MAP3K2: variants seen among roughly 807,000 people sequenced by gnomAD.
MAP3K2 encodes MAP/ERK kinase kinase 2.
Under a neutral mutation model 80.3 loss-of-function variants are expected in MAP3K2, and 24 were observed. The ratio of observed to expected loss-of-function variants is 0.30; its 90% CI spans 0.22 to 0.42. MAP3K2 has a LOEUF of 0.42. Ranked by LOEUF, MAP3K2 falls within the 10% of genes least tolerant of loss-of-function variation. The pLI, the probability that MAP3K2 is intolerant of heterozygous loss-of-function variation, is 1.00. For missense variants in MAP3K2, 608 were observed against 750.1 expected (o/e 0.81, Z 2.21); for synonymous variants, 244 against 253.7 (o/e 0.96, Z 0.36).
rs2104806305 is a variant in MAP3K2 at position 127,310,725 on chromosome 2, A to G, written c.1457-1963T>C. On this transcript the variant is annotated intron_variant, in intron 15 of 16. Transcript: ENST00000682094. This position sits in a 1 kb window ranked among gnomAD's most constrained non-coding sequence, Gnocchi z 4.8. ...TTTATTCTCTATTTTCACTCTTATC[A>G]TTTTAAAAACTCTATTTTTTCTGGG... Among the ~76,000 whole-genome samples the G allele has an allele frequency of 6.6e-6, 1 of 152,166 alleles. No individual in the cohort carries two copies. The highest frequency in any genetic ancestry group is 2.1e-4 in the South Asian group (1 of 4,828).
In MAP3K2 at chr2:127,303,502, G is replaced by A. The variant is rs1200906701; in HGVS notation, c.*4077C>T. 6.6e-6 allele frequency: 1 copy of A among 152,074 alleles called. No homozygotes were observed. Among genetic ancestry groups the A allele is most frequent in the Non-Finnish European group, 1.5e-5 (1 of 67,992 alleles). 9.4% of individuals were successfully genotyped at this position (152,074 alleles called of 1,614,324 possible). On this transcript the variant is annotated 3_prime_UTR_variant, in exon 17 of 17. Transcript: ENST00000682094. ...AGATACTTTTACTCTAATCCCTGTT[G>A]TCAGTGACATTTCCGTTTATAACAG... is the stretch of plus-strand genomic sequence containing the variant.
At chr2:127,329,660 C>A (rs1686213451) in intron 7 of MAP3K2, among the ~76,000 whole-genome samples, 1 of 152,066 alleles carries the variant, frequency 6.6e-6, no homozygotes, top group Admixed American at 6.5e-5. Context: ...CAGCCTAAAA[C>A]CTCTTTAAAG....
Position 127,314,901 on chromosome 2 carries a change from AAAAAT to A in MAP3K2, c.1327-23_1327-19del. The A allele has an allele frequency of 6.4e-7, 1 of 1,568,852 alleles. No homozygotes were observed. Among genetic ancestry groups the A allele is most frequent in the Non-Finnish European group, 8.7e-7 (1 of 1,153,214 alleles). On this transcript the variant is annotated intron_variant, in intron 14 of 16. Transcript: ENST00000682094. ...ATTGAACCCTAGGAGAAAAGAAAAC[AAAAAT>A]AAAAACTACTGTATATGGTTTGAAA... is the stretch of plus-strand genomic sequence containing the variant.
intron 1 of MAP3K2, among the ~76,000 whole-genome samples, chr2:127,384,031 G>A (rs1687299619): frequency 6.6e-6 from 1 of 151,664 alleles, no homozygotes; most frequent in African/African-American, 2.4e-5. Context: ...CCGCCACCAT[G>A]CCCGGCTAGT....
chr2:127,344,034 C>A lies in MAP3K2; in HGVS notation c.-65-840G>T, dbSNP rs559178226. On this transcript the variant is annotated intron_variant, in intron 1 of 16. Transcript: ENST00000682094. ...AAGAAAAAAAAAAGTGTTTGTATAC[C>A]ATTGCAATTAAGTTGATATTACCTC... is the stretch of plus-strand genomic sequence containing the variant. 7.2e-5 allele frequency among the ~76,000 whole-genome samples: 11 copies of A among 151,900 alleles called. No homozygotes were observed. In the East Asian group the frequency reaches 2.1e-3, roughly 29 times the overall value.
rs377538580 is a variant in MAP3K2, at chr2:127,325,715, C to A, written c.677+13G>T. 1.3e-6 allele frequency: 2 copies of A among 1,597,086 alleles called. No individual in the cohort carries two copies. ...AAACAAATAAACCCTCCAAAAACTA[C>A]GATAAACATTACCCATCCAAAGGAC... On this transcript the variant is annotated intron_variant, in intron 9 of 16. Coordinates refer to ENST00000682094, the MANE Select transcript of MAP3K2 (RefSeq NM_001371910.2).
chr2:127,305,918 T>C lies in MAP3K2; in HGVS notation c.*1661A>G, dbSNP rs2104800388. 1 of 140,196 alleles carries C rather than the reference T, an allele frequency of 7.1e-6. No homozygotes were observed. Among genetic ancestry groups the C allele is most frequent in the South Asian group, 2.3e-4 (1 of 4,372 alleles). 8.7% of individuals were successfully genotyped at this position (140,196 alleles called of 1,614,324 possible). A position where few individuals can be genotyped will look rare whatever the true frequency, so the allele number is the denominator to read the frequency against. On this transcript the variant is annotated 3_prime_UTR_variant, in exon 17 of 17. Coordinates refer to ENST00000682094, the MANE Select transcript of MAP3K2 (RefSeq NM_001371910.2). ...ACCTTCCCATTAGTAGTTAAAATTT[T>C]GTTTTGATATGCTTTTTTTTTTTTT...
chr2:127,361,894 A>G (rs1024008400), intron 1 of MAP3K2, among the ~76,000 whole-genome samples: 2 of 152,236 alleles, frequency 1.3e-5, no homozygotes, highest in African/African-American at 4.8e-5. Context: ...AAGATAGAAG[A>G]GACTATATGA....
In MAP3K2 at chr2:127,362,317, C is replaced by T. The variant is rs137993865; in HGVS notation, c.-65-19123G>A. On this transcript the variant is annotated intron_variant, in intron 1 of 16. Transcript: ENST00000682094. ...ATGGCATAATAGTATCTCAAGATTGCTATGGAAGTTAAACGTTTAAGTTAA... is the reference window on the plus strand; with the variant it reads ...ATGGCATAATAGTATCTCAAGATTGTTATGGAAGTTAAACGTTTAAGTTAA... Among the ~76,000 whole-genome samples the T allele has an allele frequency of 3.6e-3, 541 of 152,214 alleles. 1 individual carries two copies. The highest frequency in any genetic ancestry group is 5.2e-3 in the Non-Finnish European group (352 of 68,014).
At chr2:127,326,454 ACT>A (rs1231114854) in intron 8 of MAP3K2, among the ~76,000 whole-genome samples, 1 of 152,046 alleles carries the variant, frequency 6.6e-6, no homozygotes, top group Admixed American at 6.6e-5. Context: ...TCATTCACTC[ACT>A]CTCATTCATT....
chr2:127,304,955 A>G lies in MAP3K2; in HGVS notation c.*2624T>C, dbSNP rs571814244. ...ATTTTTAAGTCTTTACATAAAGAAC[A>G]TTACTTTCCCATAGCTAATAATATT... On this transcript the variant is annotated 3_prime_UTR_variant, in exon 17 of 17. Transcript: ENST00000682094. The G allele has an allele frequency of 6.6e-6, 1 of 152,658 alleles. No homozygotes were observed. Among genetic ancestry groups the G allele is most frequent in the Admixed American group, 6.5e-5 (1 of 15,274 alleles). 9.5% of individuals were successfully genotyped at this position (152,658 alleles called of 1,614,324 possible). A position where few individuals can be genotyped will look rare whatever the true frequency, so the allele number is the denominator to read the frequency against.
intron 15 of MAP3K2, among the ~76,000 whole-genome samples, chr2:127,311,564 A>G (rs1037087462): frequency 1.3e-5 from 2 of 152,228 alleles, no homozygotes; most frequent in African/African-American, 4.8e-5. Context: ...ACAAAGGTAG[A>G]GCAGCATGCG....
chr2:127,361,418 A>G (rs1237312221), intron 1 of MAP3K2, among the ~76,000 whole-genome samples: 1 of 152,186 alleles, frequency 6.6e-6, no homozygotes, highest in South Asian at 2.1e-4. Flanking sequence ...AGAATGAATA[A>G]AAGAAATAAT....
chr2:127,379,201 A>G (rs1362363878), intron 1 of MAP3K2, among the ~76,000 whole-genome samples: 2 of 152,028 alleles, frequency 1.3e-5, no homozygotes, highest in Non-Finnish European at 2.9e-5. Context: ...ACTTTTTTAA[A>G]TTTAATAAAT....
chr2:127,368,354 G>T (rs922277603), intron 1 of MAP3K2, among the ~76,000 whole-genome samples: 1 of 151,860 alleles, frequency 6.6e-6, no homozygotes, highest in Non-Finnish European at 1.5e-5. Flanking sequence ...CGGGCATGGT[G>T]GCTCACACCT....
chr2:127,380,599 A>AAAC (rs1016068266), intron 1 of MAP3K2, among the ~76,000 whole-genome samples: 1 of 152,200 alleles, frequency 6.6e-6, no homozygotes, highest in Non-Finnish European at 1.5e-5. Flanking sequence ...GGCAAGGTAT[A>AAAC]AACAACAACA....
intron 1 of MAP3K2, among the ~76,000 whole-genome samples, chr2:127,375,906 T>C (rs960154254): frequency 1.3e-5 from 2 of 151,416 alleles, no homozygotes; most frequent in African/African-American, 4.9e-5. Context: ...ACTCCTTGAT[T>C]GGAAAAAAAA....
At chr2:127,343,462 G>A (rs1472489261) in intron 1 of MAP3K2, among the ~76,000 whole-genome samples, 1 of 152,076 alleles carries the variant, frequency 6.6e-6, no homozygotes, top group Non-Finnish European at 1.5e-5. Context: ...TCAGTTGGAG[G>A]CAGGAACTCT....
intron 15 of MAP3K2, among the ~76,000 whole-genome samples, chr2:127,313,651 A>G (rs1006377019): frequency 2.6e-5 from 4 of 152,224 alleles, no homozygotes; most frequent in Non-Finnish European, 5.9e-5. Flanking sequence ...ACAGTAATAC[A>G]TTGCTTAATG....
Sources: gnomAD v4.1 joint callset for allele counts (sites outside exome capture counted in the v4.1 genomes callset) on GRCh38, gnomAD v4.1.1 for gene constraint, Gnocchi (gnomAD v3.1) non-coding constraint, MANE v1.5 for transcripts, NCBI Gene and HGNC (gene_info 2026-07-23, HGNC 2026-07-21) for gene names.